ERAP2: variants seen among roughly 807,000 people sequenced by gnomAD.
The protein encoded by ERAP2 is endoplasmic reticulum aminopeptidase 2, also known as leukocyte-derived arginine aminopeptidase.
A neutral mutation model predicts 111.1 loss-of-function variants in ERAP2; 118 were observed. The ratio of observed to expected loss-of-function variants is 1.06; its 90% CI spans 0.92 to 1.24. The LOEUF is 1.24. Among genes scored for constraint, ERAP2 ranks in the 50% most tolerant of loss-of-function variants. The pLI is 0.00. For synonymous variants in ERAP2, 410 were observed against 401.2 expected, an observed-to-expected ratio of 1.02 and a Z score of -0.26; for missense variants, 1,131 against 1,125.8, an observed-to-expected ratio of 1.00 and a Z score of -0.07.
rs1434401966 is a variant in ERAP2, at chr5:96,896,446, A to G, written c.1313A>G (p.Lys438Arg). 23 of 1,613,594 alleles carry G rather than the reference A, an allele frequency of 1.4e-5. No homozygotes were observed. In the East Asian group the frequency reaches 5.1e-4, roughly 36 times the overall value. Residue 438 changes from lysine to arginine, a missense_variant, in exon 8 of 19, where the codon AAA becomes AGA. Lys to Arg is a conservative substitution (Grantham distance 26). Around this residue, in one of 3 missense-constraint regions of ERAP2, gnomAD observed 847 missense variants for 856.5 expected, o/e 0.99. Coordinates refer to ENST00000437043, the MANE Select transcript of ERAP2 (RefSeq NM_022350.5). ...TTGAATTCATCCCGCCCTATCTCCA[A>G]ACCAGCGGAAACCCCGACTCAAATA... The part of the protein sequence containing the change: ...DSLNSSRPIS[K>R]PAETPTQIQE...
rs1554061288 is a variant in ERAP2, at chr5:96,914,148, T to TCACACACACACACA, written c.2657+698_2657+711dup. Among the ~76,000 whole-genome samples, 293 of 148,064 alleles carry TCACACACACACACA rather than the reference T, an allele frequency of 2.0e-3. 1 individual carries two copies. The highest frequency in any genetic ancestry group is 6.5e-3 in the African/African-American group (261 of 40,180). ...CTTTCTGTCTCTCTCTCTCTCTCTC[T>TCACACACACACACA]CACACACACACACACACACAATCAC... On this transcript the variant is annotated intron_variant, in intron 17 of 18. Coordinates refer to ENST00000437043, the MANE Select transcript of ERAP2 (RefSeq NM_022350.5).
chr5:96,906,578 A>C (rs1168901679), intron 13 of ERAP2, among the ~76,000 whole-genome samples: 5 of 152,196 alleles, frequency 3.3e-5, no homozygotes, highest in Non-Finnish European at 5.9e-5. Context: ...TGGAGAGAGA[A>C]TTTGATGCAA....
At chr5:96,910,263 T>G (rs1211942205) in intron 15 of ERAP2, 1 of 71,228 alleles carries the variant, frequency 1.4e-5, no homozygotes, top group African/African-American at 5.8e-5. Flanking sequence ...AGGCCCTGTC[T>G]CAAAAAAAAA....
In ERAP2 at chr5:96,889,219, A is replaced by T. The variant is rs113033185; in HGVS notation, c.884A>T (p.Gln295Leu). The T allele has an allele frequency of 6.0e-5, 97 of 1,614,214 alleles. 1 individual carries two copies. The African/African-American group carries it at 9.2e-4, about 15-fold the overall frequency. Residue 295 changes from glutamine to leucine, a missense_variant, in exon 5 of 19, where the codon CAA becomes CTA. Gln to Leu is a moderately radical substitution (Grantham distance 113). Coordinates refer to ENST00000437043, the MANE Select transcript of ERAP2 (RefSeq NM_022350.5). ...SIYASPDKRNQTHYALQASLK... is the reference protein window; with the variant it reads ...SIYASPDKRNLTHYALQASLK... ...TATGCATCCCCAGACAAACGGAATC[A>T]AACACATTATGCTTTGCAGGCATCA...
At chr5:96,916,537 C>T (rs1787418421) in intron 18 of ERAP2, among the ~76,000 whole-genome samples, 2 of 142,166 alleles carry the variant, frequency 1.4e-5, no homozygotes, top group African/African-American at 5.3e-5. Flanking sequence ...GATCTCGGCT[C>T]ACTGCAAGCT....
intron 11 of ERAP2, among the ~76,000 whole-genome samples, 165 bp downstream of exon 11, chr5:96,901,846 G>A (rs750288395): frequency 6.6e-6 from 1 of 152,132 alleles, no homozygotes; most frequent in African/African-American, 2.4e-5. Context: ...CATATAACCC[G>A]GACTTCTTTG....
At chr5:96,891,547 C>T (rs1215635276) in intron 5 of ERAP2, among the ~76,000 whole-genome samples, 2 of 138,498 alleles carry the variant, frequency 1.4e-5, no homozygotes, top group African/African-American at 2.8e-5. Flanking sequence ...CACACACACA[C>T]ACACACACAC....
intron 4 of ERAP2, among the ~76,000 whole-genome samples, chr5:96,887,643 G>T (rs1217914970): frequency 6.6e-6 from 1 of 152,072 alleles, no homozygotes; most frequent in Non-Finnish European, 1.5e-5. Flanking sequence ...AATGAAAGAA[G>T]ATCTTTATAA....
intron 5 of ERAP2, among the ~76,000 whole-genome samples, chr5:96,890,434 C>T (rs10434710): frequency 0.11 from 16,020 of 152,236 alleles, 1,338 homozygotes; most frequent in East Asian, 0.43. Flanking sequence ...CACCGCTCAC[C>T]TCCTGCCATG....
Position 96,915,572 on chromosome 5 carries a change from G to A in ERAP2, c.2658-116G>A, listed in dbSNP as rs140438435. ...ATTATGGTAATTCACCGTATCTATTGTAATACACAAGCTTATCACATAGTT... is the reference window on the plus strand; with the variant it reads ...ATTATGGTAATTCACCGTATCTATTATAATACACAAGCTTATCACATAGTT... On this transcript the variant is annotated intron_variant, in intron 17 of 18. Transcript: ENST00000437043. 2.0e-3 allele frequency: 973 copies of A among 483,990 alleles called. 2 individuals are homozygous for A. The highest frequency in any genetic ancestry group is 3.0e-3 in the Non-Finnish European group (858 of 287,262). The allele number at this position is 483,990 out of a possible 1,614,324, so 30.0% of individuals were successfully genotyped here. A position where few individuals can be genotyped will look rare whatever the true frequency, so the allele number is the denominator to read the frequency against.
chr5:96,908,859 C>A, intron 13 of ERAP2, 102 bp from the exon 14 acceptor site: 8 of 1,217,412 alleles, frequency 6.6e-6, no homozygotes, highest in Non-Finnish European at 8.0e-6. Flanking sequence ...GCTATAATGA[C>A]CTACTTCTGT....
rs768289387 is a variant in ERAP2 at position 96,900,166 on chromosome 5, G to A, written c.1549G>A (p.Asp517Asn). The change falls in exon 10 of 19, where the codon GAT becomes AAT. Residue 517 changes from aspartate (D) to asparagine (N), a missense_variant. By Grantham distance (23) the Asp-to-Asn change is conservative (BLOSUM62 1). Around this residue, in one of 3 missense-constraint regions of ERAP2, gnomAD observed 847 missense variants for 856.5 expected, o/e 0.99. Coordinates refer to ENST00000437043, the MANE Select transcript of ERAP2 (RefSeq NM_022350.5). ...DFTSGGVCHS[D>N]PKMTSNMLAF... is the part of the protein sequence containing the mutation. ...TACATCTGGTGGAGTTTGTCATTCG[G>A]ATCCCAAGATGACAAGTAACATGGT... The A allele has an allele frequency of 1.1e-5, 17 of 1,613,808 alleles. 1 individual carries two copies. The Admixed American group carries it at 2.7e-4, about 25-fold the overall frequency.
At chr5:96,891,495 GTGTGTATATATA>G (rs1430315028) in intron 5 of ERAP2, among the ~76,000 whole-genome samples, 4 of 86,752 alleles carry the variant, frequency 4.6e-5, no homozygotes, top group Non-Finnish European at 6.8e-5. Context: ...GTGTGTGTGT[GTGTGTATATATA>G]TATATATATG....
intron 17 of ERAP2, 45 bp from the exon 18 acceptor site, chr5:96,915,643 G>A: frequency 8.6e-7 from 1 of 1,160,868 alleles, no homozygotes; most frequent in South Asian, 1.6e-5. Context: ...TAAACATAAG[G>A]TCAGTATTTC....
At chr5:96,878,287 T>C (rs1042908228) in intron 1 of ERAP2, among the ~76,000 whole-genome samples, 1 of 152,176 alleles carries the variant, frequency 6.6e-6, no homozygotes, top group Non-Finnish European at 1.5e-5. Context: ...TTTTGACATA[T>C]TGAAAATAAA....
intron 17 of ERAP2, among the ~76,000 whole-genome samples, chr5:96,915,006 T>A (rs1228698634): frequency 3.9e-5 from 6 of 152,134 alleles, no homozygotes; most frequent in South Asian, 2.1e-4. Context: ...TAATTTTTTT[T>A]AATTAATTTA....
chr5:96,881,578 C>A (rs1783136913), intron 2 of ERAP2: 1 of 439,200 alleles, frequency 2.3e-6, no homozygotes, highest in Admixed American at 2.5e-5. Flanking sequence ...CACACAGGGG[C>A]ATATTTTTCT....
chr5:96,893,962 T>C (rs1002219955), intron 6 of ERAP2, among the ~76,000 whole-genome samples: 2 of 152,210 alleles, frequency 1.3e-5, no homozygotes, highest in Non-Finnish European at 2.9e-5. Flanking sequence ...CTGAGTACTA[T>C]TTACAAGGCT....
chr5:96,877,611 A>G (rs929313494), intron 1 of ERAP2, among the ~76,000 whole-genome samples: 30 of 152,380 alleles, frequency 2.0e-4, no homozygotes, highest in South Asian at 1.2e-3. Flanking sequence ...TGGTTGAGAT[A>G]AATGAAGCTC....
Sources: allele counts gnomAD v4.1 joint callset (sites outside exome capture counted in the v4.1 genomes callset), GRCh38; gene constraint gnomAD v4.1.1; regional missense constraint gnomAD v4.1.1; transcripts MANE v1.5; gene names NCBI Gene and HGNC (gene_info 2026-07-23, HGNC 2026-07-21).